The following BAIAP2L2 variants were observed in gnomAD, a reference collection of about 807,000 sequenced individuals.
BAIAP2L2 encodes BAR/IMD domain containing adaptor protein 2 like 2.
In BAIAP2L2, 65 loss-of-function variants were observed where a neutral mutation model predicts 60.4. The ratio of observed to expected loss-of-function variants is 1.08; its 90% CI spans 0.88 to 1.32. The LOEUF is 1.32. BAIAP2L2 is among the 40% of genes most tolerant of loss of function. The pLI is 0.00. For synonymous variants in BAIAP2L2, 344 were observed against 301.7 expected, an observed-to-expected ratio of 1.14 and a Z score of -1.45; for missense variants, 836 against 741.2, an observed-to-expected ratio of 1.13 and a Z score of -1.48.
chr22:38,107,583 C>A (rs1043843909), intron 4 of BAIAP2L2, among the ~76,000 whole-genome samples: 8 of 152,124 alleles, frequency 5.3e-5, no homozygotes, highest in Non-Finnish European at 1.0e-4. Context: ...CTTGGGCCTC[C>A]ATTCACTCTG....
intron 7 of BAIAP2L2, among the ~76,000 whole-genome samples, chr22:38,093,691 A>C (rs1250633731): frequency 6.6e-6 from 1 of 152,232 alleles, no homozygotes. Context: ...GATGGCTATT[A>C]TCAAAAAGAC....
intron 2 of BAIAP2L2, 114 bp from the exon 3 acceptor site, chr22:38,108,455 G>A: frequency 2.6e-6 from 2 of 782,194 alleles, no homozygotes; most frequent in Non-Finnish European, 2.1e-6. Context: ...GGGCATCTGT[G>A]TGTGCCCCTG....
At chr22:38,097,854 G>A (rs2086474838) in intron 6 of BAIAP2L2, among the ~76,000 whole-genome samples, 1 of 152,168 alleles carries the variant, frequency 6.6e-6, no homozygotes, top group Admixed American at 6.5e-5. Context: ...TAAGCCACAG[G>A]GCAAGGGGCG....
chr22:38,092,067 T>C (rs2086317612), intron 7 of BAIAP2L2, among the ~76,000 whole-genome samples: 1 of 152,236 alleles, frequency 6.6e-6, no homozygotes, highest in South Asian at 2.1e-4. Flanking sequence ...CCAATGACTA[T>C]ATTCTTGGGC....
At chr22:38,110,099 CAGAGAGAGGGAG>C (rs1379677788) in intron 1 of BAIAP2L2, among the ~76,000 whole-genome samples, 3 of 10,158 alleles carry the variant, frequency 3.0e-4, no homozygotes, top group Non-Finnish European at 2.1e-4. Flanking sequence ...GAGAGAGAGA[CAGAGAGAGGGAG>C]AGAGAGAGGG....
At chr22:38,106,690 C>T (rs749767361) in intron 4 of BAIAP2L2, among the ~76,000 whole-genome samples, 7 of 152,182 alleles carry the variant, frequency 4.6e-5, no homozygotes, top group Non-Finnish European at 8.8e-5. Context: ...GCCTCACCAC[C>T]AGGCCCCACC....
At position 38,107,352 on chromosome 22, in the gene BAIAP2L2, G is replaced by C. The variant is rs1006632284; in HGVS notation, c.276+500C>G. The stretch of plus-strand genomic sequence containing the variant: ...CAGCCCCGCAGCGGGGACACCAGCA[G>C]AGGGCCCACTCTTCCGGGGGGCTGG... On this transcript the variant is annotated intron_variant, in intron 4 of 13. Transcript: ENST00000381669. Among the ~76,000 whole-genome samples, 3 of 152,194 alleles carry C rather than the reference G, an allele frequency of 2.0e-5. 1 individual carries two copies. The South Asian group carries it at 6.2e-4, about 31-fold the overall frequency.
At chr22:38,107,727 G>T (rs2086693224) in intron 4 of BAIAP2L2, 125 bp downstream of exon 4, 4 of 855,120 alleles carry the variant, frequency 4.7e-6, no homozygotes, top group Admixed American at 1.8e-5. Context: ...CACAGAGCCG[G>T]GTGCTGGGAA....
chr22:38,107,935 T>C, intron 3 of BAIAP2L2, 22 bp from the exon 4 acceptor site: 2 of 1,612,476 alleles, frequency 1.2e-6, no homozygotes, highest in Non-Finnish European at 1.7e-6. Context: ...GATGCAGCTG[T>C]GGCTTTGGTG....
chr22:38,097,473 C>T (rs1199065474), intron 6 of BAIAP2L2, among the ~76,000 whole-genome samples: 1 of 152,182 alleles, frequency 6.6e-6, no homozygotes, highest in Non-Finnish European at 1.5e-5. Context: ...GCTGGGGGGG[C>T]AGGGGGACGG....
At chr22:38,096,343 G>A (rs943196316) in intron 7 of BAIAP2L2, among the ~76,000 whole-genome samples, 2 of 152,116 alleles carry the variant, frequency 1.3e-5, no homozygotes, top group Admixed American at 6.5e-5. Flanking sequence ...CAATGCAAGA[G>A]CATAGAGGAT....
intron 7 of BAIAP2L2, among the ~76,000 whole-genome samples, chr22:38,092,529 G>A (rs1039996515): frequency 4.6e-5 from 7 of 151,934 alleles, no homozygotes; most frequent in African/African-American, 1.7e-4. Flanking sequence ...CACCCACCTC[G>A]ACCTCCCAAA....
rs1338003828 is a variant in BAIAP2L2 at position 38,099,190 on chromosome 22, G to C, written c.277-708C>G. Among the ~76,000 whole-genome samples, 6 of 152,160 alleles carry C rather than the reference G, an allele frequency of 3.9e-5. No individual in the cohort carries two copies. In the South Asian group the frequency reaches 1.2e-3, roughly 31 times the overall value. On this transcript the variant is annotated intron_variant, in intron 4 of 13. Transcript: ENST00000381669. ...GCCTCCTATTTGCTTTGTGACTTTG[G>C]ACAAGTTGCCACCCATCTCTGGGCC...
At chr22:38,086,172 G>A in intron 12 of BAIAP2L2, 70 bp downstream of exon 12, 2 of 1,501,890 alleles carry the variant, frequency 1.3e-6, no homozygotes, top group Non-Finnish European at 1.8e-6. Flanking sequence ...CGGTGACAGA[G>A]CCTCGGGATC....
chr22:38,085,172 G>A lies in BAIAP2L2; in HGVS notation c.*128C>T, dbSNP rs1022589154. 6 of 983,196 alleles carry A rather than the reference G, an allele frequency of 6.1e-6. No individual in the cohort carries two copies. The highest frequency in any genetic ancestry group is 9.1e-6 in the Non-Finnish European group (6 of 657,612). 60.9% of individuals were successfully genotyped at this position (983,196 alleles called of 1,614,324 possible). A position where few individuals can be genotyped will look rare whatever the true frequency, so the allele number is the denominator to read the frequency against. On this transcript the variant is annotated 3_prime_UTR_variant, in exon 14 of 14. Coordinates refer to ENST00000381669, the MANE Select transcript of BAIAP2L2 (RefSeq NM_025045.6). ...GCTCAGGCTGCCGGGGTGGTCTGGG[G>A]AGGGCAGCCACCCCCCGTCTCAGGG...
At chr22:38,093,678 T>C (rs1309227580) in intron 7 of BAIAP2L2, among the ~76,000 whole-genome samples, 4 of 152,162 alleles carry the variant, frequency 2.6e-5, no homozygotes, top group Non-Finnish European at 4.4e-5. Flanking sequence ...TCACACCTGC[T>C]AGGATGGCTA....
rs372692732 is a variant in BAIAP2L2 at position 38,088,876 on chromosome 22, G to A, written c.990C>T (p.Arg330=). The A allele has an allele frequency of 3.8e-6, 6 of 1,590,706 alleles. No homozygotes were observed. Among genetic ancestry groups the A allele is most frequent in the Non-Finnish European group, 5.1e-6 (6 of 1,176,224 alleles). Residue 330 remains arginine, a synonymous_variant, in exon 10 of 14, where the codon CGC becomes CGT. Transcript: ENST00000381669. ...CGCCCTCCGAGTGGGAGACCAGGGC[G>A]CGGACTCTCCTGGCGCCCCCGCCGC... The part of the protein sequence containing the change: ...PGGGGGARRV[R]ALVSHSEGAN...
intron 13 of BAIAP2L2, 139 bp downstream of exon 13, chr22:38,085,547 C>T (rs1015734162): frequency 7.8e-7 from 1 of 1,277,014 alleles, no homozygotes; most frequent in South Asian, 1.2e-5. Context: ...TAGGGTCTCA[C>T]AGTGTTGCTC....
At chr22:38,088,683 C>A in intron 10 of BAIAP2L2, 65 bp downstream of exon 10, 1 of 1,474,104 alleles carries the variant, frequency 6.8e-7, no homozygotes. Context: ...GGCAGGTCCC[C>A]GGGTTCCCGG....
Sources: allele counts gnomAD v4.1 joint callset (sites outside exome capture counted in the v4.1 genomes callset), GRCh38; gene constraint gnomAD v4.1.1; transcripts MANE v1.5; gene names NCBI Gene and HGNC (gene_info 2026-07-23, HGNC 2026-07-21).